ADGRL2: variants seen among roughly 807,000 people sequenced by gnomAD.
The protein encoded by ADGRL2 is adhesion G protein-coupled receptor L2.
In ADGRL2, 44 loss-of-function variants were observed where a neutral mutation model predicts 157.4. The ratio of observed to expected loss-of-function variants is 0.28; its 90% confidence interval spans 0.22 to 0.36. The LOEUF is 0.36. Among genes scored for constraint, ADGRL2 ranks in the 10% least tolerant of loss-of-function variants. The pLI, the probability that ADGRL2 is intolerant of heterozygous loss-of-function variation, is 1.00. For synonymous variants in ADGRL2, 585 were observed against 624.7 expected, an observed-to-expected ratio of 0.94 and a Z score of 0.95; for missense variants, 1,510 against 1,768.9, an observed-to-expected ratio of 0.85 and a Z score of 2.63.
At chr1:81,709,715 C>G (rs760830717) in intron 1 of ADGRL2, among the ~76,000 whole-genome samples, 8 of 152,014 alleles carry the variant, frequency 5.3e-5, no homozygotes, top group Admixed American at 5.2e-4. Context: ...CTTCTCCACA[C>G]TATTAAGAGG....
intron 3 of ADGRL2, among the ~76,000 whole-genome samples, chr1:81,910,597 A>G (rs1170490897): frequency 4.0e-5 from 6 of 150,954 alleles, no homozygotes; most frequent in Non-Finnish European, 5.9e-5. Context: ...TTTTTTCTGT[A>G]TTAGATACGA....
intron 1 of ADGRL2, chr1:81,427,513 C>T (rs977665674): frequency 2.7e-5 from 20 of 750,582 alleles, no homozygotes; most frequent in Admixed American, 1.4e-4. Context: ...AAATTACGAA[C>T]CCATGTAAGG....
intron 2 of ADGRL2, among the ~76,000 whole-genome samples, chr1:81,889,936 G>A (rs2151399716): frequency 6.6e-6 from 1 of 152,316 alleles, no homozygotes; most frequent in Admixed American, 6.5e-5. Context: ...CAGTGTACAA[G>A]GATTGTATGT....
intron 2 of ADGRL2, among the ~76,000 whole-genome samples, chr1:81,902,019 A>G (rs77113526): frequency 3.3e-5 from 5 of 152,264 alleles, no homozygotes; most frequent in African/African-American, 1.2e-4. Context: ...TTAGGGAGAC[A>G]TAAGTCAGAA....
At chr1:81,439,280 AC>A in intron 1 of ADGRL2, among the ~76,000 whole-genome samples, 1 of 152,184 alleles carries the variant, frequency 6.6e-6, no homozygotes, top group East Asian at 1.9e-4. Flanking sequence ...CACTCATTCT[AC>A]CCAAGAGGTA....
intron 2 of ADGRL2, among the ~76,000 whole-genome samples, chr1:81,561,227 G>A (rs1237298814): frequency 6.6e-6 from 1 of 151,714 alleles, no homozygotes; most frequent in African/African-American, 2.4e-5. Context: ...GTCTCTCTCC[G>A]TTTATCTGAG....
intron 2 of ADGRL2, among the ~76,000 whole-genome samples, chr1:81,780,942 C>T (rs1399910409): frequency 1.3e-5 from 2 of 152,166 alleles, no homozygotes; most frequent in Admixed American, 1.3e-4. Flanking sequence ...CATGACAATA[C>T]ATCCTCTTAA....
In ADGRL2 at chr1:81,474,483, G is replaced by A. The variant is rs571072112; in HGVS notation, c.-248+29394G>A. 2.0e-5 allele frequency among the ~76,000 whole-genome samples: 3 copies of A among 152,280 alleles called. No individual in the cohort carries two copies. In the East Asian group the frequency reaches 5.8e-4, roughly 29 times the overall value. On this transcript the variant is annotated intron_variant, in intron 2 of 24. Coordinates refer to the ADGRL2 transcript ENST00000370721. ...GATGGGGAAAGATGCTTCCTGGTAT[G>A]CCTACAGAGTCTAGCATGTTCAATA...
At chr1:81,880,206 T>C (rs1292906102) in intron 2 of ADGRL2, among the ~76,000 whole-genome samples, 1 of 152,196 alleles carries the variant, frequency 6.6e-6, no homozygotes, top group East Asian at 1.9e-4. Flanking sequence ...AGAGCCCTTA[T>C]TGGAATGCTT....
chr1:81,856,191 A>G (rs2093195613), intron 2 of ADGRL2, among the ~76,000 whole-genome samples: 1 of 152,058 alleles, frequency 6.6e-6, no homozygotes, highest in South Asian at 2.1e-4. Flanking sequence ...CTTTGTATCT[A>G]CCTGCTTCTG....
At chr1:81,401,344 T>C (rs1212401230) in intron 1 of ADGRL2, among the ~76,000 whole-genome samples, 1 of 152,122 alleles carries the variant, frequency 6.6e-6, no homozygotes, top group African/African-American at 2.4e-5. Flanking sequence ...AGACTACAGT[T>C]GTCCAAGGTG....
chr1:81,355,647 A>G (rs764675183), intron 1 of ADGRL2, among the ~76,000 whole-genome samples: 1 of 151,392 alleles, frequency 6.6e-6, no homozygotes, highest in Non-Finnish European at 1.5e-5. Context: ...ATTACAGCAC[A>G]AGAAGTGTAC....
chr1:81,733,985 C>G (rs984563612), intron 1 of ADGRL2, among the ~76,000 whole-genome samples: 1 of 151,976 alleles, frequency 6.6e-6, no homozygotes, highest in Non-Finnish European at 1.5e-5. Flanking sequence ...TGAACTTAAA[C>G]GTTAAAAAAG....
intron 1 of ADGRL2, among the ~76,000 whole-genome samples, chr1:81,819,438 T>C (rs764833699): frequency 1.2e-4 from 19 of 152,148 alleles, no homozygotes; most frequent in Non-Finnish European, 2.2e-4. Context: ...GCTGAGAAGG[T>C]TGATGCTTTG....
At position 81,472,256 on chromosome 1, in the gene ADGRL2, T is replaced by G. The variant is rs553952316; in HGVS notation, c.-248+27167T>G. Among the ~76,000 whole-genome samples the G allele has an allele frequency of 1.3e-3, 195 of 152,338 alleles. 1 individual carries two copies. The highest frequency in any genetic ancestry group is 2.4e-3 in the Non-Finnish European group (160 of 68,038). On this transcript the variant is annotated intron_variant, in intron 2 of 24. Transcript: ENST00000370721. ...CTTTATGTGTTTGTTCTCTAGATAT[T>G]TATCATTGAACCTATCTGTTTATTT... is the stretch of plus-strand genomic sequence containing the variant.
At chr1:81,573,876 A>G (rs1334312574) in intron 2 of ADGRL2, among the ~76,000 whole-genome samples, 1 of 152,172 alleles carries the variant, frequency 6.6e-6, no homozygotes, top group Non-Finnish European at 1.5e-5. Context: ...CTGGTTGGAG[A>G]AGACACATAG....
At chr1:81,833,716 T>C (rs999512908) in intron 1 of ADGRL2, among the ~76,000 whole-genome samples, 9 of 152,182 alleles carry the variant, frequency 5.9e-5, no homozygotes, top group African/African-American at 1.7e-4. Context: ...TTAATGCAGC[T>C]AATAAATGGA....
Position 81,366,095 on chromosome 1 carries a change from T to A in ADGRL2, c.-302+59586T>A, listed in dbSNP as rs1557631363. On this transcript the variant is annotated intron_variant, in intron 1 of 24. Coordinates refer to the ADGRL2 transcript ENST00000370721. ...TGGTTCTTACAGACTGTCATTCTTT[T>A]TATACCTTCCTCTTGAAAATATCTA... Among the ~76,000 whole-genome samples the A allele has an allele frequency of 3.3e-5, 5 of 152,198 alleles. No homozygotes were observed. In the South Asian group the frequency reaches 8.3e-4, roughly 25 times the overall value.
chr1:81,429,906 T>C (rs2077288686), intron 1 of ADGRL2, among the ~76,000 whole-genome samples: 1 of 152,170 alleles, frequency 6.6e-6, no homozygotes, highest in East Asian at 1.9e-4. Flanking sequence ...GTTGTTGTTG[T>C]TTTTGAGATG....
Sources: allele counts gnomAD v4.1 joint callset (sites outside exome capture counted in the v4.1 genomes callset), GRCh38; gene constraint gnomAD v4.1.1; transcripts MANE v1.5; gene names NCBI Gene and HGNC (gene_info 2026-07-23, HGNC 2026-07-21).